The following UBE3B variants were observed in gnomAD, a reference collection of about 807,000 sequenced individuals.
The protein encoded by UBE3B is ubiquitin protein ligase E3B.
In UBE3B, 80 loss-of-function variants were observed where a neutral mutation model predicts 132.3. The ratio of observed to expected loss-of-function variants is 0.60; its 90% CI spans 0.50 to 0.73. The LOEUF (loss-of-function observed/expected upper bound fraction) is 0.73, where lower values mean the gene tolerates loss of function less well. UBE3B is among the 30% of genes least tolerant of loss of function. The pLI is 0.00. For missense variants in UBE3B, 1,196 were observed against 1,362.5 expected, an observed-to-expected ratio of 0.88 and a Z score of 1.92; for synonymous variants, 487 against 520.4, an observed-to-expected ratio of 0.94 and a Z score of 0.87.
intron 24 of UBE3B, chr12:109,528,397 T>A (rs1882589967): frequency 1.0e-6 from 1 of 985,266 alleles, no homozygotes; most frequent in East Asian, 1.1e-4. Flanking sequence ...AAAATCGTAT[T>A]TGTATGTATT....
downstream of UBE3B, among the ~76,000 whole-genome samples, chr12:109,537,767 C>T (rs1281715271): frequency 9.2e-5 from 14 of 152,104 alleles, no homozygotes; most frequent in Non-Finnish European, 1.2e-4. Context: ...TGCAGTGGCG[C>T]GATCTCAGCT....
intron 4 of UBE3B, among the ~76,000 whole-genome samples, chr12:109,485,430 G>A (rs1876266106): frequency 6.6e-6 from 1 of 152,262 alleles, no homozygotes; most frequent in Non-Finnish European, 1.5e-5. Context: ...GCTGGAGGAG[G>A]TGAACCTCAT....
At chr12:109,528,080 C>T (rs11610418) in intron 24 of UBE3B, among the ~76,000 whole-genome samples, 24,952 of 152,124 alleles carry the variant, frequency 0.16, 2,114 homozygotes, top group Non-Finnish European at 0.17. Context: ...GCTGGGAAAC[C>T]TCCTATGTGG....
At position 109,495,920 on chromosome 12, in the gene UBE3B, C is replaced by T. The variant is rs528738484; in HGVS notation, c.714-1898C>T. Among the ~76,000 whole-genome samples the T allele has an allele frequency of 6.6e-5, 10 of 152,354 alleles. No individual in the cohort carries two copies. In the East Asian group the frequency reaches 1.7e-3, roughly 26 times the overall value. Reference sequence around the variant, plus strand: ...CATCACGGCCATCACGAACATGTCACAATGCTGCAGAGATTTTGTTTATGG... The same window carrying T: ...CATCACGGCCATCACGAACATGTCATAATGCTGCAGAGATTTTGTTTATGG... On this transcript the variant is annotated intron_variant, in intron 9 of 27. Transcript: ENST00000342494.
chr12:109,533,820 G>A, intron 27 of UBE3B: 1 of 953,276 alleles, frequency 1.0e-6, no homozygotes, highest in Non-Finnish European at 1.6e-6. Context: ...GTGGGGGTGG[G>A]TACGTGCTGT....
chr12:109,523,094 G>C (rs1243003285), intron 21 of UBE3B, among the ~76,000 whole-genome samples: 1 of 152,134 alleles, frequency 6.6e-6, no homozygotes, highest in Non-Finnish European at 1.5e-5. Context: ...GATGGGACCT[G>C]CTAGGCCCTG....
At chr12:109,502,329 G>A (rs906997552) in intron 13 of UBE3B, among the ~76,000 whole-genome samples, 2 of 152,170 alleles carry the variant, frequency 1.3e-5, no homozygotes, top group African/African-American at 2.4e-5. Flanking sequence ...CGGGGCTAGC[G>A]CTTCAGTGGC....
intron 24 of UBE3B, among the ~76,000 whole-genome samples, chr12:109,528,685 C>G (rs569652799): frequency 6.6e-6 from 1 of 151,952 alleles, no homozygotes; most frequent in African/African-American, 2.4e-5. Context: ...GAAACTCCGT[C>G]TCTACTAAAA....
At chr12:109,492,703 T>G (rs1042072976) in intron 9 of UBE3B, 6 of 149,064 alleles carry the variant, frequency 4.0e-5, no homozygotes, top group African/African-American at 1.5e-4. Context: ...TGATTGAGCT[T>G]CTCCAGCCTG....
chr12:109,478,759 CA>C (rs768406285), intron 1 of UBE3B, among the ~76,000 whole-genome samples: 1 of 152,178 alleles, frequency 6.6e-6, no homozygotes, highest in Non-Finnish European at 1.5e-5. Flanking sequence ...CCAGCCTGGG[CA>C]ACAAAGTGAG....
chr12:109,524,605 T>A lies in UBE3B; in HGVS notation c.2568+102T>A, dbSNP rs778763429. On this transcript the variant is annotated intron_variant, in intron 23 of 27. Coordinates refer to ENST00000342494, the MANE Select transcript of UBE3B (RefSeq NM_130466.4). ...CTCAGAAAGAGCCCCAAGCTGAGGC[T>A]CTGTCTGGTCCCTTGTCCTCCCCAC... 31 of 1,326,372 alleles carry A rather than the reference T, an allele frequency of 2.3e-5. No homozygotes were observed. The South Asian group carries it at 3.9e-4, about 17-fold the overall frequency. The allele number at this position is 1,326,372 out of a possible 1,614,324, so 82.2% of individuals were successfully genotyped here.
chr12:109,493,252 A>G (rs1325874077), intron 9 of UBE3B, among the ~76,000 whole-genome samples: 3 of 152,164 alleles, frequency 2.0e-5, no homozygotes, highest in Admixed American at 6.5e-5. Context: ...TTCCAGCAGC[A>G]TTGCCCACTG....
rs1301610784 is a variant in UBE3B at position 109,522,381 on chromosome 12, C to T, written c.2364+830C>T. Among the ~76,000 whole-genome samples the T allele has an allele frequency of 2.6e-5, 4 of 152,142 alleles. No individual in the cohort carries two copies. The highest frequency in any genetic ancestry group is 4.8e-5 in the African/African-American group (2 of 41,406). Reference sequence around the variant, plus strand: ...GGGACCACCTTCAGTGGGAAGTCACCGCCTGTTCCTTGGGAGAGTCCTGTT... The same window carrying T: ...GGGACCACCTTCAGTGGGAAGTCACTGCCTGTTCCTTGGGAGAGTCCTGTT... On this transcript the variant is annotated intron_variant, in intron 21 of 27. Transcript: ENST00000342494. This position sits in a 1 kb window ranked among gnomAD's most constrained non-coding sequence, Gnocchi z 4.2.
Position 109,533,509 on chromosome 12 carries a change from A to C in UBE3B, c.2966A>C (p.Tyr989Ser), listed in dbSNP as rs750397701. ...CSRPPLLGFAYLKPPFSIRCV... is the reference protein window; with the variant it reads ...CSRPPLLGFASLKPPFSIRCV... Reference sequence around the variant, plus strand: ...AGACCCCCGCTCCTGGGATTCGCCTACCTCAAGCCTCCATTCTCCATCCGC... The same window carrying C: ...AGACCCCCGCTCCTGGGATTCGCCTCCCTCAAGCCTCCATTCTCCATCCGC... The change falls in exon 27 of 28, where the codon TAC becomes TCC. Residue 989 changes from tyrosine (Y) to serine (S), a missense_variant. Transcript: ENST00000342494. 5 of 1,613,832 alleles carry C rather than the reference A, an allele frequency of 3.1e-6. No individual in the cohort carries two copies. The highest frequency in any genetic ancestry group is 3.4e-6 in the Non-Finnish European group (4 of 1,179,984).
chr12:109,485,496 A>G (rs1431617404), intron 4 of UBE3B, among the ~76,000 whole-genome samples: 2 of 152,222 alleles, frequency 1.3e-5, no homozygotes, highest in African/African-American at 2.4e-5. Flanking sequence ...CCAATATCAC[A>G]TGGTTTAAGG....
chr12:109,499,070 G>A (rs566988150), intron 11 of UBE3B, among the ~76,000 whole-genome samples: 211 of 151,988 alleles, frequency 1.4e-3, no homozygotes, highest in African/African-American at 4.9e-3. Flanking sequence ...CAATCCACAC[G>A]CCTCAGCCTG....
intron 24 of UBE3B, among the ~76,000 whole-genome samples, chr12:109,528,055 G>T (rs931208332): frequency 6.6e-6 from 1 of 152,128 alleles, no homozygotes; most frequent in Admixed American, 6.5e-5. Flanking sequence ...TGTGCTGGAG[G>T]GAGAGTCCTG....
intron 12 of UBE3B, among the ~76,000 whole-genome samples, chr12:109,500,473 G>A (rs957706639): frequency 1.3e-5 from 2 of 152,186 alleles, no homozygotes; most frequent in Non-Finnish European, 2.9e-5. Context: ...GGCCTGGGGA[G>A]GAAATCCCCA....
intron 16 of UBE3B, 34 bp from the exon 17 acceptor site, chr12:109,510,310 C>A: frequency 6.5e-7 from 1 of 1,544,564 alleles, no homozygotes; most frequent in Non-Finnish European, 8.8e-7. Context: ...GGCTCTGACT[C>A]CTCCTCTGAC....
Sources: gnomAD v4.1 joint callset for allele counts (sites outside exome capture counted in the v4.1 genomes callset) on GRCh38, gnomAD v4.1.1 for gene constraint, Gnocchi (gnomAD v3.1) non-coding constraint, MANE v1.5 for transcripts, NCBI Gene and HGNC (gene_info 2026-07-23, HGNC 2026-07-21) for gene names.